AGXT2: variants seen among roughly 807,000 people sequenced by gnomAD.
The protein encoded by AGXT2 is alanine--glyoxylate aminotransferase 2, also known as alanine--glyoxylate aminotransferase 2, mitochondrial.
In AGXT2, 61 loss-of-function variants were observed where a neutral mutation model predicts 62.5. The ratio of observed to expected loss-of-function variants is 0.98; its 90% CI spans 0.79 to 1.21. The LOEUF is 1.21. Among genes scored for constraint, AGXT2 ranks in the 50% most tolerant of loss-of-function variants. The pLI, the probability that AGXT2 is intolerant of heterozygous loss-of-function variation, is 0.00. For missense variants in AGXT2, 666 were observed against 641.5 expected (o/e 1.04, Z -0.41); for synonymous variants, 243 against 218.7 (o/e 1.11, Z -0.98).
At chr5:35,034,293 A>T (rs535984413) in intron 5 of AGXT2, among the ~76,000 whole-genome samples, 1 of 152,304 alleles carries the variant, frequency 6.6e-6, no homozygotes, top group South Asian at 2.1e-4. Flanking sequence ...TAGTACCATG[A>T]CTACTTAATA....
intron 11 of AGXT2, among the ~76,000 whole-genome samples, chr5:35,012,228 GAAAT>G (rs1348100820): frequency 1.3e-5 from 2 of 151,408 alleles, no homozygotes; most frequent in East Asian, 3.9e-4. Context: ...AAAAGCTATT[GAAAT>G]AAATAAATAT....
intron 1 of AGXT2, among the ~76,000 whole-genome samples, chr5:35,041,979 C>G (rs898775125): frequency 2.4e-4 from 36 of 152,124 alleles, no homozygotes; most frequent in African/African-American, 8.2e-4. Flanking sequence ...GAGAATTTCA[C>G]CTTTTAAAAA....
intron 1 of AGXT2, among the ~76,000 whole-genome samples, chr5:35,045,792 G>A (rs1768177418): frequency 7.6e-6 from 1 of 131,834 alleles, no homozygotes; most frequent in Non-Finnish European, 1.6e-5. Flanking sequence ...TTTTGAGAAG[G>A]AGTCTCACTC....
intron 11 of AGXT2, among the ~76,000 whole-genome samples, chr5:35,010,797 G>T (rs1766612807): frequency 6.6e-6 from 1 of 152,146 alleles, no homozygotes; most frequent in South Asian, 2.1e-4. Context: ...CTGAGAACTG[G>T]GATATATTTG....
chr5:35,046,472 G>A (rs558419375), intron 1 of AGXT2, among the ~76,000 whole-genome samples: 20 of 152,286 alleles, frequency 1.3e-4, no homozygotes, highest in African/African-American at 4.1e-4. Flanking sequence ...CTTCGAGTTC[G>A]GAGTCAGATA....
At position 35,037,029 on chromosome 5, in the gene AGXT2, G is replaced by T. The variant is rs767079764; in HGVS notation, c.399C>A (p.Arg133=). ...VNAVAQKQLG[R]LWHTSTVFFH... ...AGAAGACGGTGCTTGTATGCCACAG[G>T]CGGCCGAGCTGCTTTTGTGCCACTG... Residue 133 remains arginine, a synonymous_variant, in exon 4 of 14, where the codon CGC becomes CGA. Transcript: ENST00000231420. The T allele has an allele frequency of 6.2e-7, 1 of 1,614,196 alleles. No homozygotes were observed. The highest frequency in any genetic ancestry group is 8.5e-7 in the Non-Finnish European group (1 of 1,180,024).
intron 9 of AGXT2, among the ~76,000 whole-genome samples, 186 bp from the exon 10 acceptor site, chr5:35,014,305 T>C (rs943964799): frequency 1.3e-5 from 2 of 151,668 alleles, no homozygotes; most frequent in African/African-American, 4.8e-5. Context: ...TACAAAAAAT[T>C]AGCCGGGCAC....
intron 7 of AGXT2, chr5:35,027,043 T>G (rs1434566962): frequency 4.1e-6 from 4 of 984,646 alleles, no homozygotes; most frequent in Non-Finnish European, 4.8e-6. Context: ...CTAGGTGGCT[T>G]CCATCCATCG....
In AGXT2 at chr5:35,019,623, G is replaced by A. The variant is rs1049439602; in HGVS notation, c.964-5504C>T. On this transcript the variant is annotated intron_variant, in intron 9 of 13. Coordinates refer to ENST00000231420, the MANE Select transcript of AGXT2 (RefSeq NM_031900.4). ...ACTAAATGCCCACAAGAGAAAGCAG[G>A]AAAGATCCAAAATTGACACCCTAAC... Among the ~76,000 whole-genome samples, 4 of 152,060 alleles carry A rather than the reference G, an allele frequency of 2.6e-5. 1 individual carries two copies. Among genetic ancestry groups the A allele is most frequent in the Admixed American group, 2.0e-4 (3 of 15,260 alleles).
chr5:35,008,232 A>T (rs1300592476), intron 12 of AGXT2, among the ~76,000 whole-genome samples: 1 of 152,178 alleles, frequency 6.6e-6, no homozygotes, highest in Non-Finnish European at 1.5e-5. Context: ...ATATATATCT[A>T]TGCCATTATA....
intron 9 of AGXT2, among the ~76,000 whole-genome samples, chr5:35,017,400 C>G (rs189798415): frequency 5.9e-5 from 9 of 152,306 alleles, no homozygotes; most frequent in African/African-American, 2.2e-4. Flanking sequence ...ATAATTCCCA[C>G]GTGTTGTGGG....
At chr5:35,043,754 A>T (rs997454818) in intron 1 of AGXT2, among the ~76,000 whole-genome samples, 1 of 152,110 alleles carries the variant, frequency 6.6e-6, no homozygotes, top group South Asian at 2.1e-4. Flanking sequence ...GCAGTGGTGG[A>T]ATCTCTGCTC....
chr5:35,045,790 A>T (rs11959527), intron 1 of AGXT2, among the ~76,000 whole-genome samples: 1 of 133,966 alleles, frequency 7.5e-6, no homozygotes, highest in African/African-American at 2.9e-5. Context: ...TTTTTTGAGA[A>T]GGAGTCTCAC....
chr5:35,003,704 T>C, intron 13 of AGXT2, 59 bp downstream of exon 13: 1 of 1,482,570 alleles, frequency 6.7e-7, no homozygotes, highest in Non-Finnish European at 9.4e-7. Context: ...GTGACCAGCA[T>C]TAGGAAATCA....
At chr5:35,035,602 G>GGA (rs1554036067) in intron 4 of AGXT2, among the ~76,000 whole-genome samples, 1 of 151,948 alleles carries the variant, frequency 6.6e-6, no homozygotes, top group Admixed American at 6.6e-5. Flanking sequence ...AAAATGCCAA[G>GGA]GGAGACTTGC....
intron 9 of AGXT2, among the ~76,000 whole-genome samples, chr5:35,017,170 C>T (rs1766873760): frequency 1.3e-5 from 2 of 152,078 alleles, no homozygotes; most frequent in Non-Finnish European, 1.5e-5. Flanking sequence ...ATGATTTGCC[C>T]TTTCTACACC....
chr5:35,021,361 G>C (rs1312442518), intron 9 of AGXT2, among the ~76,000 whole-genome samples: 6 of 151,664 alleles, frequency 4.0e-5, no homozygotes, highest in Non-Finnish European at 7.4e-5. Flanking sequence ...CATGGTACTG[G>C]TACCAAAACA....
At chr5:35,039,259 A>C in intron 3 of AGXT2, 65 bp downstream of exon 3, 1 of 1,541,818 alleles carries the variant, frequency 6.5e-7, no homozygotes, top group South Asian at 1.1e-5. Flanking sequence ...GTTCAGAGTC[A>C]CTAACATAAT....
intron 9 of AGXT2, among the ~76,000 whole-genome samples, chr5:35,021,797 C>T (rs1384363705): frequency 7.0e-4 from 106 of 151,950 alleles, no homozygotes; most frequent in African/African-American, 2.1e-3. Flanking sequence ...ACCTACAAAA[C>T]GGGAGAAAAT....
Sources: gnomAD v4.1 joint callset for allele counts (sites outside exome capture counted in the v4.1 genomes callset) on GRCh38, gnomAD v4.1.1 for gene constraint, MANE v1.5 for transcripts, NCBI Gene and HGNC (gene_info 2026-07-23, HGNC 2026-07-21) for gene names.